Variants in SPATA13 observed in about 807,000 individuals in gnomAD.
SPATA13 encodes spermatogenesis associated 13, also known as spermatogenesis-associated protein 13.
In SPATA13, 50 loss-of-function variants were observed where a neutral mutation model predicts 104.0. The observed-to-expected ratio is 0.48, with a 90% confidence interval of 0.38 to 0.61. SPATA13 has a LOEUF of 0.61. Among genes scored for constraint, SPATA13 ranks in the 20% least tolerant of loss-of-function variants. The pLI is 0.00. For missense variants in SPATA13, 1,524 were observed against 1,690.6 expected (o/e 0.90, Z 1.73); for synonymous variants, 606 against 667.5 (o/e 0.91, Z 1.42).
intron 2 of SPATA13, among the ~76,000 whole-genome samples, chr13:24,017,090 G>A (rs1048327919): frequency 6.6e-6 from 1 of 152,178 alleles, no homozygotes; most frequent in Non-Finnish European, 1.5e-5. Flanking sequence ...TTCCCATGGG[G>A]CCCAGCCCTG....
chr13:24,259,356 C>T (rs1873947963), intron 4 of SPATA13, among the ~76,000 whole-genome samples: 1 of 152,250 alleles, frequency 6.6e-6, no homozygotes, highest in Non-Finnish European at 1.5e-5. Context: ...AAACAGCCCC[C>T]AGAGCCTCAC....
intron 1 of SPATA13, among the ~76,000 whole-genome samples, chr13:24,214,816 C>T (rs1871194979): frequency 6.6e-6 from 1 of 152,194 alleles, no homozygotes; most frequent in Non-Finnish European, 1.5e-5. Context: ...CTCCGCTTTC[C>T]TTTTTGAGAT....
chr13:24,246,675 T>C (rs1244017147), intron 2 of SPATA13, among the ~76,000 whole-genome samples: 1 of 152,100 alleles, frequency 6.6e-6, no homozygotes, highest in East Asian at 1.9e-4. Flanking sequence ...CTGGCCAACA[T>C]GGTGAAACCG....
chr13:24,279,225 G>T (rs1198742590), intron 4 of SPATA13, among the ~76,000 whole-genome samples: 1 of 152,186 alleles, frequency 6.6e-6, no homozygotes, highest in East Asian at 1.9e-4. Context: ...GCCAGTGTGT[G>T]TGTACCTGGG....
chr13:24,143,123 A>T (rs912641016), intron 3 of SPATA13, among the ~76,000 whole-genome samples: 1 of 152,228 alleles, frequency 6.6e-6, no homozygotes, highest in South Asian at 2.1e-4. Flanking sequence ...CCTCATCTTC[A>T]GTCTCCATCC....
At chr13:24,048,348 T>C (rs1183278636) in intron 3 of SPATA13, among the ~76,000 whole-genome samples, 1 of 151,870 alleles carries the variant, frequency 6.6e-6, no homozygotes, top group East Asian at 1.9e-4. Flanking sequence ...CAAAGCAACA[T>C]GTAACTAAAC....
chr13:24,017,889 A>T (rs910890927), intron 3 of SPATA13, among the ~76,000 whole-genome samples: 2 of 152,218 alleles, frequency 1.3e-5, no homozygotes, highest in Non-Finnish European at 2.9e-5. Context: ...AAAACATATC[A>T]TCTGTCAAGG....
At chr13:24,037,817 A>G (rs1877758422) in intron 3 of SPATA13, among the ~76,000 whole-genome samples, 1 of 152,182 alleles carries the variant, frequency 6.6e-6, no homozygotes, top group Non-Finnish European at 1.5e-5. Flanking sequence ...AAACCCCCAG[A>G]ACTTGTAAGT....
intron 1 of SPATA13, among the ~76,000 whole-genome samples, chr13:24,217,523 G>C (rs1871322491): frequency 6.6e-6 from 1 of 152,250 alleles, no homozygotes; most frequent in Non-Finnish European, 1.5e-5. Flanking sequence ...TCTGCCTATA[G>C]AGAACTTTCC....
chr13:24,273,295 C>T (rs1410949579), intron 4 of SPATA13, among the ~76,000 whole-genome samples: 1 of 152,042 alleles, frequency 6.6e-6, no homozygotes, highest in African/African-American at 2.4e-5. Flanking sequence ...GTGTTGGCTG[C>T]CCAGGGTGCA....
chr13:24,106,511 A>G (rs1880459286), intron 3 of SPATA13, among the ~76,000 whole-genome samples: 1 of 152,172 alleles, frequency 6.6e-6, no homozygotes, highest in Non-Finnish European at 1.5e-5. Flanking sequence ...ACTTCAGTTG[A>G]GCAGTTGTGC....
intron 3 of SPATA13, among the ~76,000 whole-genome samples, chr13:24,055,304 C>T (rs756887552): frequency 5.3e-5 from 8 of 152,306 alleles, no homozygotes; most frequent in Admixed American, 6.5e-5. Flanking sequence ...CCTTTCATTG[C>T]GGGTACAGTG....
intron 4 of SPATA13, among the ~76,000 whole-genome samples, chr13:24,283,420 A>G (rs1875694171): frequency 6.6e-6 from 1 of 152,228 alleles, no homozygotes; most frequent in Non-Finnish European, 1.5e-5. Flanking sequence ...GACATCCCTG[A>G]ACTTGCACAG....
chr13:24,295,611 CA>C lies in SPATA13; in HGVS notation c.3210+753del, dbSNP rs574901593. 4.8e-4 allele frequency among the ~76,000 whole-genome samples: 68 copies of C among 142,024 alleles called. 1 individual carries two copies. Among genetic ancestry groups the C allele is most frequent in the South Asian group, 1.8e-3 (8 of 4,472 alleles). The allele number at this position is 142,024 out of a possible 152,430, so 93.2% of individuals were successfully genotyped here. A position where few individuals can be genotyped will look rare whatever the true frequency, so the allele number is the denominator to read the frequency against. ...TGGGTGACAGAGCAAGACTCCGTCT[CA>C]AAAAAAAAAGGAAAGACCACAAATA... On this transcript the variant is annotated intron_variant, in intron 10 of 12. Coordinates refer to ENST00000382108, the MANE Select transcript of SPATA13 (RefSeq NM_001166271.3).
At chr13:24,132,452 T>C (rs1881417281) in intron 3 of SPATA13, among the ~76,000 whole-genome samples, 1 of 152,314 alleles carries the variant, frequency 6.6e-6, no homozygotes, top group Admixed American at 6.5e-5. Context: ...GTCCTGGCTG[T>C]CCTTATTTAT....
chr13:24,006,447 C>T (rs1876233661), intron 2 of SPATA13, among the ~76,000 whole-genome samples: 1 of 152,184 alleles, frequency 6.6e-6, no homozygotes, highest in South Asian at 2.1e-4. Flanking sequence ...AACATGTTTC[C>T]AGCATGTCCC....
At chr13:24,090,308 T>C (rs1879869827) in intron 3 of SPATA13, among the ~76,000 whole-genome samples, 1 of 152,144 alleles carries the variant, frequency 6.6e-6, no homozygotes, top group Non-Finnish European at 1.5e-5. Flanking sequence ...CAGGGTTTGG[T>C]GTTAATGGAG....
intron 3 of SPATA13, among the ~76,000 whole-genome samples, chr13:24,092,735 A>C (rs9511044): frequency 5.3e-5 from 8 of 152,048 alleles, no homozygotes; most frequent in Admixed American, 5.2e-4. Flanking sequence ...GCAGCTTGCT[A>C]TTTCTACATG....
intron 2 of SPATA13, among the ~76,000 whole-genome samples, chr13:24,230,333 G>A (rs761315953): frequency 5.3e-5 from 8 of 152,222 alleles, no homozygotes; most frequent in South Asian, 2.1e-4. Context: ...TCATTATGAT[G>A]TAGTGGTAAG....
Sources: allele counts gnomAD v4.1 joint callset (sites outside exome capture counted in the v4.1 genomes callset), GRCh38; gene constraint gnomAD v4.1.1; transcripts MANE v1.5; gene names NCBI Gene and HGNC (gene_info 2026-07-23, HGNC 2026-07-21).